GALNT14: variants seen among roughly 807,000 people sequenced by gnomAD.
The protein encoded by GALNT14 is UDP-GalNAc:polypeptide N-acetylgalactosaminyltransferase 14.
Under a neutral mutation model 77.5 loss-of-function variants are expected in GALNT14, and 60 were observed. The observed-to-expected ratio is 0.77, with a 90% CI of 0.63 to 0.96. GALNT14 has a LOEUF of 0.96. Ranked by LOEUF, GALNT14 falls within the 40% of genes least tolerant of loss-of-function variation. The pLI, the probability that GALNT14 is intolerant of heterozygous loss-of-function variation, is 0.00. For missense variants in GALNT14, 710 were observed against 731.0 expected (o/e 0.97, Z 0.33); for synonymous variants, 280 against 281.7 (o/e 0.99, Z 0.06).
chr2:31,035,419 C>T (rs896216461), intron 1 of GALNT14, among the ~76,000 whole-genome samples: 12 of 151,740 alleles, frequency 7.9e-5, no homozygotes, highest in Admixed American at 1.3e-4. Context: ...CTTTTGTTTA[C>T]TGTGTGGATG....
intron 1 of GALNT14, among the ~76,000 whole-genome samples, chr2:31,133,337 A>G (rs1679077740): frequency 1.3e-5 from 2 of 152,242 alleles, no homozygotes; most frequent in Admixed American, 6.5e-5. Flanking sequence ...GTAGATTAAT[A>G]GGGTCTCTCT....
chr2:30,962,971 G>A (rs1048327296), intron 3 of GALNT14, among the ~76,000 whole-genome samples: 1 of 152,156 alleles, frequency 6.6e-6, no homozygotes, highest in Admixed American at 6.5e-5. Context: ...AATCTTTCCT[G>A]CCTCCACCCC....
At chr2:30,960,514 G>A (rs1022714380) in intron 3 of GALNT14, among the ~76,000 whole-genome samples, 2 of 152,194 alleles carry the variant, frequency 1.3e-5, no homozygotes, top group African/African-American at 4.8e-5. Context: ...ATAGTCAGCA[G>A]TGAGTGCTAA....
At chr2:31,048,328 G>C (rs182137016) in intron 1 of GALNT14, among the ~76,000 whole-genome samples, 1,771 of 152,286 alleles carry the variant, frequency 0.012, 23 homozygotes, top group Non-Finnish European at 0.015. Context: ...TGTGGCTTTT[G>C]AATAGGGGAC....
chr2:31,056,934 G>A (rs889239452), intron 1 of GALNT14, among the ~76,000 whole-genome samples: 19 of 152,130 alleles, frequency 1.2e-4, no homozygotes, highest in African/African-American at 3.9e-4. Flanking sequence ...TATACACTAC[G>A]GAATACTACA....
chr2:30,894,377 G>A, the GALNT14 span, among the ~76,000 whole-genome samples: 2 of 152,174 alleles, frequency 1.3e-5, no homozygotes, highest in African/African-American at 4.8e-5. Flanking sequence ...TTGGGGACAG[G>A]GCTGCATGAA....
At chr2:31,125,199 G>A in intron 1 of GALNT14, 1 of 1,550,536 alleles carries the variant, frequency 6.4e-7, no homozygotes, top group Non-Finnish European at 8.7e-7. Context: ...GGTGATACAG[G>A]CACCTGAGGC....
chr2:31,111,691 A>AAATACCTTTTC (rs1677844690), intron 1 of GALNT14, among the ~76,000 whole-genome samples: 5 of 152,202 alleles, frequency 3.3e-5, no homozygotes, highest in South Asian at 2.1e-4. Flanking sequence ...CAGCCTTTTA[A>AAATACCTTTTC]AGCTTTTTAC....
intron 13 of GALNT14, among the ~76,000 whole-genome samples, chr2:30,923,020 G>T (rs1296284605): frequency 1.3e-5 from 2 of 151,672 alleles, no homozygotes; most frequent in Non-Finnish European, 2.9e-5. Context: ...GAGAGTGGGG[G>T]TGAGGAGTTA....
At chr2:31,104,968 G>A (rs1278385385) in intron 1 of GALNT14, among the ~76,000 whole-genome samples, 1 of 152,122 alleles carries the variant, frequency 6.6e-6, no homozygotes, top group Non-Finnish European at 1.5e-5. Flanking sequence ...TATTTCTTAT[G>A]AAACCTCCAC....
the GALNT14 span, among the ~76,000 whole-genome samples, chr2:30,900,618 T>A: frequency 6.6e-6 from 1 of 152,112 alleles, no homozygotes; most frequent in Non-Finnish European, 1.5e-5. Flanking sequence ...ACTAAGGGAT[T>A]TTGGTCTGAG....
At chr2:31,057,940 C>T (rs533551113) in intron 1 of GALNT14, among the ~76,000 whole-genome samples, 1 of 152,178 alleles carries the variant, frequency 6.6e-6, no homozygotes, top group South Asian at 2.1e-4. Context: ...TTACTCCTCA[C>T]CTCCTGCTCA....
intron 1 of GALNT14, among the ~76,000 whole-genome samples, chr2:31,035,565 G>GTA (rs1489411593): frequency 1.1e-4 from 15 of 138,546 alleles, no homozygotes; most frequent in African/African-American, 4.3e-4. Flanking sequence ...GTGTGTGTGT[G>GTA]TGTATGTGTG....
intron 1 of GALNT14, among the ~76,000 whole-genome samples, chr2:31,076,607 G>A (rs1252982695): frequency 6.4e-5 from 9 of 139,882 alleles, no homozygotes; most frequent in Non-Finnish European, 1.4e-4. Flanking sequence ...ATAGGGGTGT[G>A]TATACATATA....
At chr2:30,994,475 C>T (rs7586583) in intron 1 of GALNT14, among the ~76,000 whole-genome samples, 106,079 of 152,130 alleles carry the variant, frequency 0.7, 37,511 homozygotes, top group African/African-American at 0.8. Context: ...CTCTCTGTTA[C>T]CTCCTTTTTA....
At chr2:30,940,994 T>C (rs1283915884) in intron 9 of GALNT14, among the ~76,000 whole-genome samples, 2 of 152,192 alleles carry the variant, frequency 1.3e-5, no homozygotes, top group Non-Finnish European at 2.9e-5. Context: ...CCAGAAGCCA[T>C]AAATTTCCAG....
chr2:30,945,008 C>A, intron 7 of GALNT14, 66 bp from the exon 8 acceptor site: 1 of 1,394,398 alleles, frequency 7.2e-7, no homozygotes, highest in Non-Finnish European at 9.8e-7. Flanking sequence ...TGCACCCTCT[C>A]CAGAAGGTCA....
At chr2:31,065,520 G>A (rs964877747) in intron 1 of GALNT14, 1 of 152,336 alleles carries the variant, frequency 6.6e-6, no homozygotes, top group Admixed American at 6.5e-5. Flanking sequence ...GAGCAGACAA[G>A]ATCATGAGCA....
At chr2:30,979,328 G>A (rs562989231) in intron 2 of GALNT14, among the ~76,000 whole-genome samples, 2 of 152,178 alleles carry the variant, frequency 1.3e-5, no homozygotes, top group African/African-American at 4.8e-5. Flanking sequence ...ATCAGGGCTT[G>A]GGTGAAAGTC....
Sources: gnomAD v4.1 joint callset for allele counts (sites outside exome capture counted in the v4.1 genomes callset) on GRCh38, gnomAD v4.1.1 for gene constraint, MANE v1.5 for transcripts, NCBI Gene and HGNC (gene_info 2026-07-23, HGNC 2026-07-21) for gene names.